SYNPR: variants seen among roughly 807,000 people sequenced by gnomAD.
The protein encoded by SYNPR is synaptoporin.
SYNPR carries 23 observed loss-of-function variants against 32.9 expected under a neutral mutation model. That is an observed-to-expected ratio of 0.70 (90% CI 0.50 to 0.99). The LOEUF is 0.99. Among genes scored for constraint, SYNPR ranks in the 50% least tolerant of loss-of-function variants. The pLI, the probability that SYNPR is intolerant of heterozygous loss-of-function variation, is 0.00. For missense variants in SYNPR, 318 were observed against 349.3 expected (o/e 0.91, Z 0.71); for synonymous variants, 146 against 135.9 (o/e 1.07, Z -0.52).
intron 2 of SYNPR, among the ~76,000 whole-genome samples, chr3:63,468,560 C>T (rs753348929): frequency 6.6e-6 from 1 of 151,778 alleles, no homozygotes; most frequent in Non-Finnish European, 1.5e-5. Flanking sequence ...AATCTCAACA[C>T]TATGGGAGGC....
intron 3 of SYNPR, among the ~76,000 whole-genome samples, chr3:63,546,720 A>G (rs1257831195): frequency 6.6e-6 from 1 of 151,998 alleles, no homozygotes; most frequent in Non-Finnish European, 1.5e-5. Context: ...TATGAAAAAA[A>G]AAGTTCCTCC....
chr3:63,278,881 C>T, intron 2 of SYNPR, 139 bp downstream of exon 2: 10 of 1,028,380 alleles, frequency 9.7e-6, no homozygotes, highest in Non-Finnish European at 1.4e-5. Context: ...AATCCTGCCC[C>T]CTCCTAAGAT....
chr3:63,403,441 T>TACACAC (rs10559096), intron 2 of SYNPR, among the ~76,000 whole-genome samples: 4,489 of 145,966 alleles, frequency 0.031, 132 homozygotes, highest in African/African-American at 0.073. Context: ...TGTATACACA[T>TACACAC]ACACACACAC....
intron 4 of SYNPR, among the ~76,000 whole-genome samples, chr3:63,573,229 C>G (rs1033068751): frequency 1.3e-5 from 2 of 152,096 alleles, no homozygotes; most frequent in African/African-American, 4.8e-5. Context: ...AAACCCAGGG[C>G]TATCAGTTGG....
chr3:63,489,327 G>A lies in SYNPR; in HGVS notation c.209+8371G>A, dbSNP rs1039197575. 8.7e-4 allele frequency among the ~76,000 whole-genome samples: 133 copies of A among 152,158 alleles called. 6 individuals carry two copies. Among genetic ancestry groups the A allele is most frequent in the Non-Finnish European group, 2.9e-4 (20 of 68,024 alleles). ...CTGGCCAAAAGCTGCTCCTGGGGGT[G>A]TTAATTCCCTGGGACTGCATGCAGA... On this transcript the variant is annotated intron_variant, in intron 3 of 5. Transcript: ENST00000478300.
At chr3:63,554,358 C>T (rs1471080153) in intron 3 of SYNPR, among the ~76,000 whole-genome samples, 1 of 152,160 alleles carries the variant, frequency 6.6e-6, no homozygotes, top group Non-Finnish European at 1.5e-5. Flanking sequence ...ACATTTATAT[C>T]TGTAATCCGT....
chr3:63,448,380 T>C (rs79154707), intron 2 of SYNPR, among the ~76,000 whole-genome samples: 9,793 of 152,284 alleles, frequency 0.064, 550 homozygotes, highest in East Asian at 0.28. Context: ...ATAACAAATA[T>C]TTTGGGCTCA....
intron 3 of SYNPR, among the ~76,000 whole-genome samples, chr3:63,526,514 G>T (rs1702016585): frequency 6.6e-6 from 1 of 152,072 alleles, no homozygotes; most frequent in Non-Finnish European, 1.5e-5. Context: ...TTCAATGAAT[G>T]AATTTAATAA....
At chr3:63,305,056 T>A (rs1319399098) in intron 2 of SYNPR, among the ~76,000 whole-genome samples, 2 of 151,980 alleles carry the variant, frequency 1.3e-5, no homozygotes, top group Admixed American at 1.3e-4. Flanking sequence ...CCCAGTGACC[T>A]TCTGGTATTC....
chr3:63,243,301 T>TAA (rs34619289), intron 1 of SYNPR, among the ~76,000 whole-genome samples: 1,691 of 151,726 alleles, frequency 0.011, 40 homozygotes, highest in African/African-American at 0.038. Flanking sequence ...CAGAAACAGG[T>TAA]AAAAAATTTT....
At chr3:63,499,957 G>C (rs965606972) in intron 3 of SYNPR, among the ~76,000 whole-genome samples, 1 of 151,732 alleles carries the variant, frequency 6.6e-6, no homozygotes, top group Non-Finnish European at 1.5e-5. Flanking sequence ...GAAGGCTAAA[G>C]GTGTTAAAAC....
chr3:63,441,103 A>G (rs929536495), intron 2 of SYNPR, among the ~76,000 whole-genome samples: 2 of 152,212 alleles, frequency 1.3e-5, no homozygotes, highest in African/African-American at 4.8e-5. Context: ...TAGCTTTACC[A>G]GGTATTGACT....
At position 63,378,869 on chromosome 3, in the gene SYNPR, G is replaced by A. The variant is rs563220537; in HGVS notation, c.84+100127G>A. The stretch of plus-strand genomic sequence containing the variant: ...CCCTTTATTTTAAGAGTTGCAGTGT[G>A]AAAGTTTAGATTACTGATTTAGGAT... On this transcript the variant is annotated intron_variant, in intron 2 of 5. Transcript: ENST00000478300. Among the ~76,000 whole-genome samples, 36 of 151,976 alleles carry A rather than the reference G, an allele frequency of 2.4e-4. 2 individuals are homozygous for A. In the South Asian group the frequency reaches 6.0e-3, roughly 25 times the overall value.
intron 2 of SYNPR, among the ~76,000 whole-genome samples, chr3:63,336,135 A>G (rs1007592578): frequency 4.6e-5 from 7 of 152,308 alleles, no homozygotes; most frequent in African/African-American, 1.4e-4. Context: ...ATCATGGAAT[A>G]ATATGCAGTG....
chr3:63,526,334 T>A (rs1195676862), intron 3 of SYNPR, among the ~76,000 whole-genome samples: 2 of 152,226 alleles, frequency 1.3e-5, no homozygotes, highest in Non-Finnish European at 2.9e-5. Flanking sequence ...TCTGCACCTC[T>A]GTGCATTATA....
At chr3:63,579,649 T>C (rs1703053759) in intron 4 of SYNPR, among the ~76,000 whole-genome samples, 1 of 152,104 alleles carries the variant, frequency 6.6e-6, no homozygotes. Context: ...GAATGATCAA[T>C]GATGTTTATT....
chr3:63,219,322 A>G, the SYNPR span, among the ~76,000 whole-genome samples: 70 of 152,340 alleles, frequency 4.6e-4, no homozygotes, highest in Admixed American at 2.0e-3. Flanking sequence ...CAGTGCGTCC[A>G]GAGTACAGAG....
intron 3 of SYNPR, among the ~76,000 whole-genome samples, chr3:63,541,325 T>C (rs1439703956): frequency 6.6e-6 from 1 of 151,862 alleles, no homozygotes; most frequent in Non-Finnish European, 1.5e-5. Flanking sequence ...TAATTGCACA[T>C]GGTAGAAGGG....
intron 2 of SYNPR, among the ~76,000 whole-genome samples, chr3:63,261,771 G>C (rs146277059): frequency 6.8e-6 from 1 of 147,756 alleles, no homozygotes; most frequent in Non-Finnish European, 1.5e-5. Flanking sequence ...GCAAACTATC[G>C]CAAGGACAAA....
Sources: gnomAD v4.1 joint callset for allele counts (sites outside exome capture counted in the v4.1 genomes callset) on GRCh38, gnomAD v4.1.1 for gene constraint, MANE v1.5 for transcripts, NCBI Gene and HGNC (gene_info 2026-07-23, HGNC 2026-07-21) for gene names.